The following MEIS2 variants were observed in gnomAD, a reference collection of about 807,000 sequenced individuals.
MEIS2 encodes the protein Meis homeobox 2, also known as homeobox protein Meis2.
In MEIS2, 9 loss-of-function variants were observed where a neutral mutation model predicts 58.6. The observed-to-expected ratio is 0.15, with a 90% confidence interval of 0.09 to 0.27. MEIS2 has a LOEUF of 0.27. Ranked by LOEUF, MEIS2 falls within the 10% of genes least tolerant of loss-of-function variation. The probability of loss-of-function intolerance (pLI) is 1.00; values close to 1 mark genes in which losing one functional copy is unlikely to be tolerated. For synonymous variants in MEIS2, 221 were observed against 228.4 expected (o/e 0.97, Z 0.29); for missense variants, 427 against 635.0 (o/e 0.67, Z 3.52).
Position 36,891,280 on chromosome 15 carries a change from T to C in MEIS2, c.*893A>G, listed in dbSNP as rs1244284627. ...TCAATTGAGGTAAACACATAGAATA[T>C]CTAACATGAAACAATTAATAGACCG... On this transcript the variant is annotated 3_prime_UTR_variant, in exon 12 of 12. Coordinates refer to ENST00000561208, the MANE Select transcript of MEIS2 (RefSeq NM_170675.5). 6.6e-6 allele frequency: 1 copy of C among 152,366 alleles called. No homozygotes were observed. Among genetic ancestry groups the C allele is most frequent in the Non-Finnish European group, 1.5e-5 (1 of 68,002 alleles). The allele number at this position is 152,366 out of a possible 1,614,324, so 9.4% of individuals were successfully genotyped here. A position where few individuals can be genotyped will look rare whatever the true frequency, so the allele number is the denominator to read the frequency against.
chr15:37,049,846 A>T (rs1047835951), intron 7 of MEIS2, among the ~76,000 whole-genome samples: 3 of 151,834 alleles, frequency 2.0e-5, no homozygotes, highest in African/African-American at 7.3e-5. Context: ...TGCTGGAAGA[A>T]ATGTAAAAGC....
chr15:37,068,561 C>T lies in MEIS2; in HGVS notation c.754+15210G>A, dbSNP rs769522073. Reference sequence around the variant, plus strand: ...AACTAAGCACTGAGCACTCCGCACTCATTATGAGGGTGCTACACAGAGCTG... The same window carrying T: ...AACTAAGCACTGAGCACTCCGCACTTATTATGAGGGTGCTACACAGAGCTG... On this transcript the variant is annotated intron_variant, in intron 7 of 11. Coordinates refer to ENST00000561208, the MANE Select transcript of MEIS2 (RefSeq NM_170675.5). Among the ~76,000 whole-genome samples, 4 of 152,316 alleles carry T rather than the reference C, an allele frequency of 2.6e-5. No homozygotes were observed. In the South Asian group the frequency reaches 6.2e-4, roughly 24 times the overall value.
intron 8 of MEIS2, among the ~76,000 whole-genome samples, chr15:36,995,742 AAAAGAAAGAAAG>A (rs138753356): frequency 4.8e-5 from 3 of 62,446 alleles, no homozygotes; most frequent in African/African-American, 1.1e-4. Context: ...CAAAGAAAAG[AAAAGAAAGAAAG>A]AAAGAAAGAA....
At chr15:36,928,378 C>T (rs530922095) in intron 9 of MEIS2, among the ~76,000 whole-genome samples, 8 of 152,286 alleles carry the variant, frequency 5.3e-5, no homozygotes, top group African/African-American at 1.9e-4. Flanking sequence ...ATACAGTTCT[C>T]ACAGTAATAT....
intron 7 of MEIS2, among the ~76,000 whole-genome samples, chr15:37,053,435 A>T (rs2141817112): frequency 6.6e-6 from 1 of 152,172 alleles, no homozygotes; most frequent in South Asian, 2.1e-4. Flanking sequence ...GGCCAACTTC[A>T]CTTCATAGCT....
intron 11 of MEIS2, among the ~76,000 whole-genome samples, chr15:36,893,522 T>C (rs561641368): frequency 2.6e-4 from 40 of 152,350 alleles, no homozygotes; most frequent in African/African-American, 7.9e-4. Flanking sequence ...TGGATGATGA[T>C]AATTAAGTAC....
rs189664447 is a variant in MEIS2 at position 36,951,894 on chromosome 15, T to C, written c.901-1494A>G. Among the ~76,000 whole-genome samples the C allele has an allele frequency of 9.0e-4, 137 of 152,266 alleles. 1 individual carries two copies. In the East Asian group the frequency reaches 0.026, roughly 29 times the overall value. ...CCCACATTAGTAATGACCCCTTCAC[T>C]GCTTCAAAAACCACTAATGGTCTTC... On this transcript the variant is annotated intron_variant, in intron 8 of 11. Coordinates refer to ENST00000561208, the MANE Select transcript of MEIS2 (RefSeq NM_170675.5).
At chr15:36,976,491 T>A (rs538288938) in intron 8 of MEIS2, among the ~76,000 whole-genome samples, 1 of 148,406 alleles carries the variant, frequency 6.7e-6, no homozygotes, top group Non-Finnish European at 1.5e-5. Context: ...TATTATTATA[T>A]GTATATAATT....
intron 9 of MEIS2, among the ~76,000 whole-genome samples, chr15:36,944,581 T>C (rs138292772): frequency 1.0e-3 from 156 of 152,202 alleles, no homozygotes; most frequent in African/African-American, 3.6e-3. Context: ...AAGAGAAGCA[T>C]TTTCACCTAG....
chr15:36,971,571 T>G (rs1274306884), intron 8 of MEIS2, among the ~76,000 whole-genome samples: 1 of 54,914 alleles, frequency 1.8e-5, no homozygotes, highest in African/African-American at 1.0e-4. Context: ...AAAAGGGCTG[T>G]TCCAGTGATA....
intron 8 of MEIS2, among the ~76,000 whole-genome samples, chr15:37,035,453 C>T (rs2062112930): frequency 6.6e-6 from 1 of 152,054 alleles, no homozygotes; most frequent in Non-Finnish European, 1.5e-5. Context: ...GATTTACAGC[C>T]CTTTCAATTA....
intron 9 of MEIS2, among the ~76,000 whole-genome samples, chr15:36,918,280 G>A (rs1007274070): frequency 3.9e-5 from 6 of 152,180 alleles, no homozygotes; most frequent in African/African-American, 1.4e-4. Flanking sequence ...GGAAATCTGG[G>A]TTTGAACTCT....
chr15:36,983,650 T>G (rs1051550594), intron 8 of MEIS2, among the ~76,000 whole-genome samples: 3 of 152,082 alleles, frequency 2.0e-5, no homozygotes, highest in Admixed American at 6.6e-5. Flanking sequence ...TACCATATAA[T>G]TTTAGGATTG....
At chr15:36,968,117 T>A (rs1381268550) in intron 8 of MEIS2, among the ~76,000 whole-genome samples, 1 of 152,194 alleles carries the variant, frequency 6.6e-6, no homozygotes, top group Non-Finnish European at 1.5e-5. Flanking sequence ...AACAACTCTT[T>A]TGTGTTAAGC....
At position 36,906,220 on chromosome 15, in the gene MEIS2, C is replaced by T. The variant is rs1775473050; in HGVS notation, c.978-9534G>A. ...AGTGATAAATTGAATTCTTGAAATTCCTAAATGGTAGAATGATAAAATATG... is the reference window on the plus strand; with the variant it reads ...AGTGATAAATTGAATTCTTGAAATTTCTAAATGGTAGAATGATAAAATATG... On this transcript the variant is annotated intron_variant, in intron 9 of 11. Coordinates refer to ENST00000561208, the MANE Select transcript of MEIS2 (RefSeq NM_170675.5). Among the ~76,000 whole-genome samples the T allele has an allele frequency of 2.0e-5, 3 of 152,042 alleles. 1 individual carries two copies. In the South Asian group the frequency reaches 6.2e-4, roughly 32 times the overall value.
At chr15:36,921,256 T>A (rs552453257) in intron 9 of MEIS2, among the ~76,000 whole-genome samples, 57 of 152,228 alleles carry the variant, frequency 3.7e-4, no homozygotes, top group African/African-American at 1.2e-3. Flanking sequence ...CATGTGACCC[T>A]GAGGATTACA....
chr15:36,916,232 C>A (rs572225567), intron 9 of MEIS2, among the ~76,000 whole-genome samples: 1 of 150,000 alleles, frequency 6.7e-6, no homozygotes, highest in East Asian at 2.0e-4. Flanking sequence ...TTGAGACCAT[C>A]CTGGCTAAAA....
chr15:37,008,654 T>G (rs749747989), intron 8 of MEIS2, among the ~76,000 whole-genome samples: 4 of 152,224 alleles, frequency 2.6e-5, no homozygotes, highest in Non-Finnish European at 4.4e-5. Context: ...AGTTTTTAAC[T>G]GCTAAAAGGT....
chr15:36,905,482 CAGAAT>C (rs2056686662), intron 9 of MEIS2, among the ~76,000 whole-genome samples: 1 of 152,126 alleles, frequency 6.6e-6, no homozygotes, highest in South Asian at 2.1e-4. Context: ...TCCACGTTCA[CAGAAT>C]TGTATTCATA....
Sources: gnomAD v4.1 joint callset for allele counts (sites outside exome capture counted in the v4.1 genomes callset) on GRCh38, gnomAD v4.1.1 for gene constraint, MANE v1.5 for transcripts, NCBI Gene and HGNC (gene_info 2026-07-23, HGNC 2026-07-21) for gene names.